The following NCOA2 variants were observed in gnomAD, a reference collection of about 807,000 sequenced individuals.
NCOA2 encodes nuclear receptor coactivator 2.
In NCOA2, 21 loss-of-function variants were observed where a neutral mutation model predicts 145.1. The observed-to-expected ratio is 0.14, with a 90% CI of 0.10 to 0.21. The LOEUF is 0.21. NCOA2 is among the 10% of genes least tolerant of loss of function. NCOA2 has a pLI of 1.00. For synonymous variants in NCOA2, 619 were observed against 637.5 expected (o/e 0.97, Z 0.44); for missense variants, 1,472 against 1,837.6 (o/e 0.80, Z 3.64).
At chr8:70,159,236 A>ATGTATG (rs1554578474) in intron 10 of NCOA2, among the ~76,000 whole-genome samples, 2 of 16,046 alleles carry the variant, frequency 1.2e-4, no homozygotes, top group Non-Finnish European at 4.5e-4. Context: ...ATATATATAT[A>ATGTATG]TATATATTTT....
the NCOA2 span, among the ~76,000 whole-genome samples, chr8:70,453,433 G>A: frequency 1.3e-5 from 2 of 152,172 alleles, no homozygotes; most frequent in Non-Finnish European, 2.9e-5. Flanking sequence ...TTGCCCAAAG[G>A]TGGCTGATAG....
intron 1 of NCOA2, among the ~76,000 whole-genome samples, chr8:70,395,081 C>T (rs1016777064): frequency 6.6e-6 from 1 of 152,214 alleles, no homozygotes; most frequent in Admixed American, 6.5e-5. Flanking sequence ...TAGTAACAGA[C>T]TTCCCCCGTA....
At chr8:70,228,060 T>C (rs960056270) in intron 2 of NCOA2, among the ~76,000 whole-genome samples, 14 of 150,044 alleles carry the variant, frequency 9.3e-5, no homozygotes, top group African/African-American at 3.2e-4. Context: ...AACACATCCC[T>C]ACAGAATGTT....
At chr8:70,453,599 A>G in the NCOA2 span, among the ~76,000 whole-genome samples, 2 of 152,218 alleles carry the variant, frequency 1.3e-5, no homozygotes, top group Admixed American at 6.5e-5. Flanking sequence ...TCAAGTGTTG[A>G]ATAAGAGGTT....
rs554169658 is a variant in NCOA2, at chr8:70,274,019, T to G, written c.-20+22725A>C. ...TGGACACTACAGCTCTTTTCAGTTT[T>G]TGCTTATACGCAATTCATTCTTTGC... On this transcript the variant is annotated intron_variant, in intron 2 of 22. Transcript: ENST00000452400. Among the ~76,000 whole-genome samples the G allele has an allele frequency of 2.6e-5, 4 of 152,364 alleles. No individual in the cohort carries two copies. The East Asian group carries it at 7.7e-4, about 29-fold the overall frequency.
At chr8:70,144,166 G>C (rs73687610) in intron 13 of NCOA2, among the ~76,000 whole-genome samples, 3,811 of 152,276 alleles carry the variant, frequency 0.025, 161 homozygotes, top group African/African-American at 0.087. Context: ...TATTAGGCCA[G>C]GCATATTACT....
At chr8:70,290,105 C>T (rs1361073892) in intron 2 of NCOA2, among the ~76,000 whole-genome samples, 2 of 151,622 alleles carry the variant, frequency 1.3e-5, no homozygotes, top group African/African-American at 4.9e-5. Flanking sequence ...CCTACGTATA[C>T]TTCTTACTTT....
rs1809156694 is a variant in NCOA2 at position 70,131,846 on chromosome 8, C to A, written c.3315G>T (p.Leu1105=). ...EIDRALGIPE[L]VSQSQAVDPE... ...GCCCTTCCGCGCATACCTGGCTGAC[C>A]AGTTCGGGTATTCCTAAGGCTCTAT... The change falls in exon 16 of 23, where the codon CTG becomes CTT. Residue 1105 remains leucine, a synonymous_variant. Coordinates refer to ENST00000452400, the MANE Select transcript of NCOA2 (RefSeq NM_006540.4). 1 of 1,590,614 alleles carries A rather than the reference C, an allele frequency of 6.3e-7. No homozygotes were observed. The highest frequency in any genetic ancestry group is 1.3e-5 in the African/African-American group (1 of 74,458).
chr8:70,280,587 T>C (rs569952866), intron 2 of NCOA2, among the ~76,000 whole-genome samples: 4 of 152,272 alleles, frequency 2.6e-5, no homozygotes, highest in African/African-American at 7.2e-5. Flanking sequence ...CTGAATATAG[T>C]GTTCATGAAA....
chr8:70,451,072 G>A, the NCOA2 span, among the ~76,000 whole-genome samples: 1 of 149,558 alleles, frequency 6.7e-6, no homozygotes, highest in Non-Finnish European at 1.5e-5. Flanking sequence ...AAAAATATTA[G>A]CCTGGCCTGG....
intron 1 of NCOA2, among the ~76,000 whole-genome samples, chr8:70,314,478 C>T (rs1805415382): frequency 6.6e-6 from 1 of 151,912 alleles, no homozygotes; most frequent in South Asian, 2.1e-4. Context: ...ATTGAACTAC[C>T]ATCTCCAGTG....
intron 4 of NCOA2, among the ~76,000 whole-genome samples, chr8:70,205,290 AT>A (rs2133670786): frequency 6.6e-6 from 1 of 152,342 alleles, no homozygotes; most frequent in Admixed American, 6.5e-5. Context: ...GAAAAGCAGT[AT>A]TTTGGATAGG....
chr8:70,172,634 C>T (rs1024232645), intron 5 of NCOA2, among the ~76,000 whole-genome samples: 3 of 152,162 alleles, frequency 2.0e-5, no homozygotes, highest in African/African-American at 4.8e-5. Context: ...GAACTGTGTG[C>T]AAGTGTGTGC....
At chr8:70,442,235 T>C in the NCOA2 span, among the ~76,000 whole-genome samples, 118 of 152,272 alleles carry the variant, frequency 7.7e-4, 1 homozygote, top group African/African-American at 2.7e-3. Flanking sequence ...TCACAGGTAA[T>C]GTTCCCATTA....
intron 4 of NCOA2, among the ~76,000 whole-genome samples, chr8:70,186,705 C>T (rs538902685): frequency 6.6e-5 from 10 of 152,286 alleles, no homozygotes; most frequent in African/African-American, 2.4e-4. Flanking sequence ...GACAAATTTA[C>T]AGTATGTCTT....
chr8:70,320,791 G>GT (rs1248916272), intron 1 of NCOA2, among the ~76,000 whole-genome samples: 4 of 152,064 alleles, frequency 2.6e-5, no homozygotes, highest in African/African-American at 9.7e-5. Flanking sequence ...ATAATGAAAG[G>GT]TTTTTATCTT....
chr8:70,176,398 G>C (rs1034301192), intron 4 of NCOA2, among the ~76,000 whole-genome samples: 2 of 152,116 alleles, frequency 1.3e-5, no homozygotes, highest in African/African-American at 4.8e-5. Flanking sequence ...GTCAGTCCTT[G>C]CTTCATTTCT....
intron 4 of NCOA2, among the ~76,000 whole-genome samples, chr8:70,210,499 CA>C (rs1818902408): frequency 6.6e-6 from 1 of 152,182 alleles, no homozygotes; most frequent in Admixed American, 6.5e-5. Flanking sequence ...GTCCATTCCA[CA>C]GTTAATGCTC....
chr8:70,296,132 A>C (rs1827075530), intron 2 of NCOA2, among the ~76,000 whole-genome samples: 4 of 152,174 alleles, frequency 2.6e-5, no homozygotes, highest in Non-Finnish European at 5.9e-5. Context: ...ACAAGATAGA[A>C]ATGGTCCCGA....
Sources: allele counts gnomAD v4.1 joint callset (sites outside exome capture counted in the v4.1 genomes callset), GRCh38; gene constraint gnomAD v4.1.1; transcripts MANE v1.5; gene names NCBI Gene and HGNC (gene_info 2026-07-23, HGNC 2026-07-21).